The following CREB5 variants were observed in gnomAD, a reference collection of about 807,000 sequenced individuals.
The protein encoded by CREB5 is cyclic AMP-responsive element-binding protein 5.
Under a neutral mutation model 57.1 loss-of-function variants are expected in CREB5, and 19 were observed. That is an observed-to-expected ratio of 0.33 (90% confidence interval 0.23 to 0.49). The LOEUF is 0.49. Ranked by LOEUF, CREB5 falls within the 20% of genes least tolerant of loss-of-function variation. The pLI is 0.99. For synonymous variants in CREB5, 238 were observed against 238.3 expected (o/e 1.00, Z 0.01); for missense variants, 579 against 671.6 (o/e 0.86, Z 1.52).
intron 1 of CREB5, among the ~76,000 whole-genome samples, chr7:28,437,764 T>C (rs1486298197): frequency 3.3e-5 from 5 of 152,172 alleles, no homozygotes; most frequent in Non-Finnish European, 7.4e-5. Context: ...AAAGATATGA[T>C]CCAGTTAACT....
Position 28,308,460 on chromosome 7 carries a change from T to A in CREB5, c.-25+9019T>A, listed in dbSNP as rs114918541. On this transcript the variant is annotated intron_variant, in intron 1 of 9. Coordinates refer to the CREB5 transcript ENST00000396299. Reference sequence around the variant, plus strand: ...CTTGTTGAATTTAGATATATTTGATTTAGGTATTACTAGTAGCCTCATTTT... The same window carrying A: ...CTTGTTGAATTTAGATATATTTGATATAGGTATTACTAGTAGCCTCATTTT... Among the ~76,000 whole-genome samples the A allele has an allele frequency of 7.7e-3, 1,170 of 152,316 alleles. 4 individuals are homozygous for A. Among genetic ancestry groups the A allele is most frequent in the African/African-American group, 0.026 (1,098 of 41,566 alleles).
intron 4 of CREB5, among the ~76,000 whole-genome samples, chr7:28,564,891 T>C (rs1795420213): frequency 6.6e-6 from 1 of 152,196 alleles, no homozygotes; most frequent in South Asian, 2.1e-4. Flanking sequence ...CTAAAAAGTC[T>C]GTTTGGATAT....
intron 8 of CREB5, among the ~76,000 whole-genome samples, chr7:28,808,390 A>G (rs1808880206): frequency 6.6e-6 from 1 of 152,146 alleles, no homozygotes; most frequent in Admixed American, 6.5e-5. Context: ...TAGGAACACA[A>G]TTTTACCACT....
chr7:28,646,201 C>T (rs193261611), intron 5 of CREB5, among the ~76,000 whole-genome samples: 1 of 152,272 alleles, frequency 6.6e-6, no homozygotes, highest in African/African-American at 2.4e-5. Flanking sequence ...CTCTGGAGAA[C>T]CCTGACCAGG....
At chr7:28,517,133 G>C (rs1233197157) in intron 4 of CREB5, among the ~76,000 whole-genome samples, 1 of 152,198 alleles carries the variant, frequency 6.6e-6, no homozygotes, top group Non-Finnish European at 1.5e-5. Flanking sequence ...TGGACCAAAT[G>C]ATAGACTCAG....
intron 5 of CREB5, among the ~76,000 whole-genome samples, chr7:28,664,601 G>A (rs17156987): frequency 0.07 from 10,706 of 152,178 alleles, 589 homozygotes; most frequent in African/African-American, 0.15. Flanking sequence ...TGGAAGACAT[G>A]ATACCTGTGT....
At chr7:28,429,976 G>T (rs560141162) in intron 1 of CREB5, among the ~76,000 whole-genome samples, 1 of 152,330 alleles carries the variant, frequency 6.6e-6, no homozygotes, top group South Asian at 2.1e-4. Context: ...TACCAGGAAA[G>T]GATTGTTAGC....
At chr7:28,320,393 T>C (rs1353661291) in intron 1 of CREB5, among the ~76,000 whole-genome samples, 2 of 152,138 alleles carry the variant, frequency 1.3e-5, no homozygotes, top group East Asian at 3.8e-4. Flanking sequence ...CCAGGAAAGC[T>C]GGTGGCTGCA....
chr7:28,552,605 C>T (rs930651724), intron 4 of CREB5, among the ~76,000 whole-genome samples: 11 of 152,186 alleles, frequency 7.2e-5, no homozygotes, highest in South Asian at 2.1e-4. Context: ...TTCCCCTTGA[C>T]GCTCTTTAGC....
At chr7:28,670,796 A>G (rs1040831223) in intron 5 of CREB5, among the ~76,000 whole-genome samples, 1 of 152,202 alleles carries the variant, frequency 6.6e-6, no homozygotes, top group African/African-American at 2.4e-5. Flanking sequence ...ACAACTCTGT[A>G]GTAGCCTGCT....
intron 1 of CREB5, among the ~76,000 whole-genome samples, chr7:28,426,307 G>GTCCCAGT (rs1329363229): frequency 6.6e-6 from 1 of 152,192 alleles, no homozygotes; most frequent in Non-Finnish European, 1.5e-5. Flanking sequence ...GTTGGGTTTG[G>GTCCCAGT]TCCCAGTTTT....
chr7:28,599,259 AAG>A (rs898302663), intron 5 of CREB5, among the ~76,000 whole-genome samples: 133 of 152,070 alleles, frequency 8.7e-4, no homozygotes, highest in African/African-American at 3.2e-3. Flanking sequence ...ATAAATGTGA[AAG>A]AGAGAGAGAG....
chr7:28,645,196 A>T (rs1798843174), intron 5 of CREB5, among the ~76,000 whole-genome samples: 1 of 152,122 alleles, frequency 6.6e-6, no homozygotes, highest in South Asian at 2.1e-4. Context: ...ATTAAGAATA[A>T]TTTTCTTTTC....
At chr7:28,736,036 C>T (rs1034329631) in intron 7 of CREB5, among the ~76,000 whole-genome samples, 5 of 152,052 alleles carry the variant, frequency 3.3e-5, no homozygotes, top group Admixed American at 2.0e-4. Flanking sequence ...TGGCCTCAAG[C>T]GATCCTCACA....
chr7:28,724,332 G>T lies in CREB5; in HGVS notation c.702G>T (p.Met234Ile). 6.2e-7 allele frequency: 1 copy of T among 1,610,824 alleles called. No homozygotes were observed. Among genetic ancestry groups the T allele is most frequent in the Non-Finnish European group, 8.5e-7 (1 of 1,177,376 alleles). Residue 234 changes from methionine (M) to isoleucine (I), a missense_variant and splice_region_variant, in exon 7 of 11, where the codon ATG becomes ATT. Met to Ile is a conservative substitution (Grantham distance 10). Transcript: ENST00000357727. ...QVQPMHSEAK[M>I]RLKAALTHHP... ...AGCCAATGCATTCAGAAGCCAAAAT[G>T]GTAAGTAACAGTTATAATCACCCTT...
At chr7:28,627,362 C>G (rs79236767) in intron 5 of CREB5, among the ~76,000 whole-genome samples, 1 of 152,286 alleles carries the variant, frequency 6.6e-6, no homozygotes, top group Admixed American at 6.5e-5. Context: ...AGTGGCTCAG[C>G]CCTGGCTACC....
intron 1 of CREB5, among the ~76,000 whole-genome samples, chr7:28,319,935 T>A (rs561815162): frequency 7.4e-4 from 112 of 152,268 alleles, no homozygotes; most frequent in African/African-American, 2.6e-3. Context: ...TCTTAATTTT[T>A]AAAAAAATTT....
At chr7:28,569,862 T>C (rs1445164447) in intron 4 of CREB5, among the ~76,000 whole-genome samples, 1 of 152,192 alleles carries the variant, frequency 6.6e-6, no homozygotes, top group Non-Finnish European at 1.5e-5. Context: ...GCTTGTGTCC[T>C]CAGTCCTGAG....
chr7:28,790,428 AAGAGAG>A (rs370615013), intron 7 of CREB5, among the ~76,000 whole-genome samples: 5,534 of 115,748 alleles, frequency 0.048, 204 homozygotes, highest in African/African-American at 0.14. Flanking sequence ...GAAAGAAAGA[AAGAGAG>A]AGAGAGAGAG....
Sources: allele counts gnomAD v4.1 joint callset (sites outside exome capture counted in the v4.1 genomes callset), GRCh38; gene constraint gnomAD v4.1.1; transcripts MANE v1.5; gene names NCBI Gene and HGNC (gene_info 2026-07-23, HGNC 2026-07-21).